The following TSHZ3 variants were observed in gnomAD, a reference collection of about 807,000 sequenced individuals.
TSHZ3 encodes the protein teashirt homolog 3.
TSHZ3 carries 10 observed loss-of-function variants against 64.5 expected under a neutral mutation model. That is an observed-to-expected ratio of 0.16 (90% CI 0.10 to 0.26). TSHZ3 has a LOEUF of 0.26. Ranked by LOEUF, TSHZ3 falls within the 10% of genes least tolerant of loss-of-function variation. The pLI, the probability that TSHZ3 is intolerant of heterozygous loss-of-function variation, is 1.00. For missense variants in TSHZ3, 1,242 were observed against 1,421.7 expected (o/e 0.87, Z 2.03); for synonymous variants, 608 against 593.1 (o/e 1.03, Z -0.36).
At chr19:31,316,917 C>G (rs1350566612) in intron 1 of TSHZ3, among the ~76,000 whole-genome samples, 1 of 152,098 alleles carries the variant, frequency 6.6e-6, no homozygotes, top group Admixed American at 6.6e-5. Context: ...ATGCTCCGGC[C>G]AAATATTCTC....
intron 1 of TSHZ3, among the ~76,000 whole-genome samples, chr19:31,313,817 C>G (rs902994956): frequency 6.6e-6 from 1 of 152,200 alleles, no homozygotes; most frequent in African/African-American, 2.4e-5. Flanking sequence ...CATGCACTAC[C>G]AGAAGTGGGG....
chr19:31,350,047 A>G (rs954940408), upstream of TSHZ3, among the ~76,000 whole-genome samples: 1 of 37,456 alleles, frequency 2.7e-5, no homozygotes, highest in African/African-American at 1.0e-4. Flanking sequence ...GTTACCCCCC[A>G]CCCCTATTCC....
chr19:31,215,961 A>C (rs1975322031), intron 4 of TSHZ3, among the ~76,000 whole-genome samples: 1 of 150,792 alleles, frequency 6.6e-6, no homozygotes, highest in Middle Eastern at 3.2e-3. Flanking sequence ...AATTAAATTA[A>C]ATTTATTATT....
At chr19:31,223,990 C>T (rs1383610270) in intron 4 of TSHZ3, among the ~76,000 whole-genome samples, 2 of 152,142 alleles carry the variant, frequency 1.3e-5, no homozygotes, top group South Asian at 2.1e-4. Context: ...CAGATGCACT[C>T]GGCAACCAGG....
At position 31,275,428 on chromosome 19, in the gene TSHZ3, TC is replaced by T; in HGVS notation, c.*1118del. The T allele has an allele frequency of 7.2e-6, 1 of 139,726 alleles. No individual in the cohort carries two copies. The highest frequency in any genetic ancestry group is 1.6e-5 in the Non-Finnish European group (1 of 62,178). 8.7% of individuals were successfully genotyped at this position (139,726 alleles called of 1,614,324 possible). A position where few individuals can be genotyped will look rare whatever the true frequency, so the allele number is the denominator to read the frequency against. ...AATGTTTAGGAAATACAGTACAAGT[TC>T]TTTTTTTTTTTTTGTTCTTTTTTTT... On this transcript the variant is annotated 3_prime_UTR_variant, in exon 2 of 2. Transcript: ENST00000240587.
intron 3 of TSHZ3, among the ~76,000 whole-genome samples, chr19:31,231,109 G>GA (rs1044287709): frequency 2.0e-5 from 3 of 152,158 alleles, no homozygotes; most frequent in African/African-American, 7.2e-5. Flanking sequence ...TATATTAATA[G>GA]AAAACTGACA....
chr19:31,276,672 A>G lies in TSHZ3; in HGVS notation c.3121T>C (p.Tyr1041His). 6.2e-7 allele frequency: 1 copy of G among 1,613,782 alleles called. No individual in the cohort carries two copies. Among genetic ancestry groups the G allele is most frequent in the South Asian group, 1.1e-5 (1 of 91,044 alleles). Residue 1041 changes from tyrosine (Y) to histidine (H), a missense_variant, in exon 2 of 2, where the codon TAT becomes CAT. Tyr to His is a moderately conservative substitution (Grantham distance 83, BLOSUM62 2). Coordinates refer to ENST00000240587, the MANE Select transcript of TSHZ3 (RefSeq NM_020856.4). ...SSPEEDLGTS[Y>H]QCKLCNRTFA... ...GTCCGATTGCAAAGTTTGCACTGAT[A>G]GGAAGTCCCCAGGTCTTCCTCGGGG...
intron 1 of TSHZ3, among the ~76,000 whole-genome samples, chr19:31,344,196 C>T (rs1275017576): frequency 3.3e-5 from 5 of 152,162 alleles, no homozygotes; most frequent in South Asian, 4.1e-4. Context: ...GACACACACA[C>T]GCACACACAG....
Position 31,276,398 on chromosome 19 carries a change from T to C in TSHZ3, c.*149A>G. 2.7e-6 allele frequency: 2 copies of C among 729,290 alleles called. No homozygotes were observed. The highest frequency in any genetic ancestry group is 5.7e-5 in the Admixed American group (2 of 35,160). 45.2% of individuals were successfully genotyped at this position (729,290 alleles called of 1,614,324 possible). A position where few individuals can be genotyped will look rare whatever the true frequency, so the allele number is the denominator to read the frequency against. On this transcript the variant is annotated 3_prime_UTR_variant, in exon 2 of 2. Transcript: ENST00000240587. ...GATTATGCACCTCTATTAAACACTGTACAGTTATACAAAACAGTCCAGCCC... is the reference window on the plus strand; with the variant it reads ...GATTATGCACCTCTATTAAACACTGCACAGTTATACAAAACAGTCCAGCCC...
chr19:31,210,510 C>T (rs1975248845), intron 4 of TSHZ3, among the ~76,000 whole-genome samples: 1 of 152,124 alleles, frequency 6.6e-6, no homozygotes, highest in Admixed American at 6.5e-5. Context: ...TCTCGGGCCT[C>T]AGGCTGCTTC....
At chr19:31,323,264 T>A (rs1417898769) in intron 1 of TSHZ3, among the ~76,000 whole-genome samples, 1 of 152,176 alleles carries the variant, frequency 6.6e-6, no homozygotes, top group Non-Finnish European at 1.5e-5. Flanking sequence ...CCACCGTAGA[T>A]CCCTGAGTTC....
chr19:31,165,303 C>T (rs1352606816), intron 5 of TSHZ3, among the ~76,000 whole-genome samples: 3 of 152,230 alleles, frequency 2.0e-5, no homozygotes, highest in African/African-American at 7.2e-5. Flanking sequence ...TGACCTTTCC[C>T]AGGTCCACAG....
Position 31,233,855 on chromosome 19 carries a change from G to A in TSHZ3, n.551-5715C>T, listed in dbSNP as rs79893766. Among the ~76,000 whole-genome samples, 244 of 145,808 alleles carry A rather than the reference G, an allele frequency of 1.7e-3. 1 individual carries two copies. The highest frequency in any genetic ancestry group is 6.0e-3 in the African/African-American group (234 of 39,192). On this transcript the variant is annotated intron_variant and non_coding_transcript_variant, in intron 3 of 6. Coordinates refer to the TSHZ3 transcript ENST00000651361. Reference sequence around the variant, plus strand: ...CAGGAAGTGTGAGTCCTCCAATTTCGTTCTTTTTAAAGATTGTTTCAGCTA... The same window carrying A: ...CAGGAAGTGTGAGTCCTCCAATTTCATTCTTTTTAAAGATTGTTTCAGCTA...
chr19:31,159,980 C>A (rs1177047229), intron 5 of TSHZ3, among the ~76,000 whole-genome samples: 1 of 152,164 alleles, frequency 6.6e-6, no homozygotes, highest in Admixed American at 6.6e-5. Flanking sequence ...GTGTGAGCCA[C>A]CACACCCCAG....
At chr19:31,254,968 T>A (rs1599606705) in intron 1 of TSHZ3, among the ~76,000 whole-genome samples, 1 of 151,768 alleles carries the variant, frequency 6.6e-6, no homozygotes, top group Admixed American at 6.6e-5. Flanking sequence ...TCAGCAGGAG[T>A]GGGGAAGGAA....
intron 1 of TSHZ3, among the ~76,000 whole-genome samples, chr19:31,338,829 T>A (rs1917337421): frequency 1.3e-5 from 2 of 150,200 alleles, no homozygotes; most frequent in African/African-American, 4.9e-5. Flanking sequence ...TTTTCTTTCT[T>A]TCTTTCTTTC....
In TSHZ3 at chr19:31,341,636, C is replaced by T. The variant is rs928192764; in HGVS notation, c.40+7544G>A. 9.6e-4 allele frequency among the ~76,000 whole-genome samples: 82 copies of T among 85,752 alleles called. 2 individuals are homozygous for T. The South Asian group carries it at 0.024, about 25-fold the overall frequency. The allele number at this position is 85,752 out of a possible 152,430, so 56.3% of individuals were successfully genotyped here. ...TCTCTCTCTCTCTCTCTCTGACACA[C>T]ACACACACACACACACACACACACA... On this transcript the variant is annotated intron_variant, in intron 1 of 1. Coordinates refer to ENST00000240587, the MANE Select transcript of TSHZ3 (RefSeq NM_020856.4).
chr19:31,283,807 C>A (rs1192622184), intron 1 of TSHZ3, among the ~76,000 whole-genome samples: 1 of 152,192 alleles, frequency 6.6e-6, no homozygotes. Context: ...CGCAAAGCCC[C>A]TGGCTGGATA....
upstream of TSHZ3, chr19:31,349,491 AGAGGAG>A (rs1175696457): frequency 5.8e-6 from 2 of 344,872 alleles, no homozygotes; most frequent in Non-Finnish European, 1.0e-5. Context: ...AGGAGGAGGC[AGAGGAG>A]GAGGAGGTGG....
Sources: gnomAD v4.1 joint callset for allele counts (sites outside exome capture counted in the v4.1 genomes callset) on GRCh38, gnomAD v4.1.1 for gene constraint, MANE v1.5 for transcripts, NCBI Gene and HGNC (gene_info 2026-07-23, HGNC 2026-07-21) for gene names.